Variants in AJAP1 observed in about 807,000 individuals in gnomAD.
AJAP1 encodes the protein adherens junction-associated protein 1.
Under a neutral mutation model 35.0 loss-of-function variants are expected in AJAP1, and 5 were observed. The observed-to-expected ratio is 0.14, with a 90% CI of 0.07 to 0.30. The LOEUF (loss-of-function observed/expected upper bound fraction) is 0.30. Ranked by LOEUF, AJAP1 falls within the 10% of genes least tolerant of loss-of-function variation. The pLI is 1.00. For synonymous variants in AJAP1, 284 were observed against 249.3 expected (o/e 1.14, Z -1.31); for missense variants, 586 against 571.0 (o/e 1.03, Z -0.27).
rs376142033 is a variant in AJAP1, at chr1:4,669,721, C to T, written c.29+14267C>T. On this transcript the variant is annotated intron_variant, in intron 1 of 5. Transcript: ENST00000378191. ...ACTTAGCATAATGTTTTTTAGTTCA[C>T]CCACATTGTAGCGTGCATCAGTACT... is the stretch of plus-strand genomic sequence containing the variant. 3.6e-4 allele frequency among the ~76,000 whole-genome samples: 55 copies of T among 152,240 alleles called. 1 individual carries two copies. The highest frequency in any genetic ancestry group is 3.1e-3 in the East Asian group (16 of 5,174).
intron 1 of AJAP1, among the ~76,000 whole-genome samples, chr1:4,707,932 GCTCT>G (rs1338114818): frequency 4.7e-5 from 7 of 149,210 alleles, no homozygotes; most frequent in Middle Eastern, 3.6e-3. Context: ...TCTGCTTGTA[GCTCT>G]CTCTGTGGGT....
At chr1:4,737,885 G>A (rs1640965638) in intron 2 of AJAP1, among the ~76,000 whole-genome samples, 1 of 152,184 alleles carries the variant, frequency 6.6e-6, no homozygotes, top group East Asian at 1.9e-4. Flanking sequence ...CTGGGCGACA[G>A]AGCGAGACCC....
chr1:4,725,570 G>A (rs1229225138), intron 2 of AJAP1, among the ~76,000 whole-genome samples: 1 of 152,174 alleles, frequency 6.6e-6, no homozygotes, highest in Non-Finnish European at 1.5e-5. Context: ...TCACCCTAGA[G>A]GTCACCAGCT....
At chr1:4,704,750 T>C (rs1445049054) in intron 1 of AJAP1, among the ~76,000 whole-genome samples, 3 of 152,242 alleles carry the variant, frequency 2.0e-5, no homozygotes, top group Non-Finnish European at 4.4e-5. Context: ...CCACGATGGT[T>C]AAACTAGTTT....
intron 2 of AJAP1, among the ~76,000 whole-genome samples, chr1:4,768,328 G>T (rs1641739889): frequency 7.4e-6 from 1 of 134,956 alleles, no homozygotes. Context: ...TTTGCCGGAT[G>T]CTGTTATTCT....
intron 5 of AJAP1, among the ~76,000 whole-genome samples, chr1:4,780,164 T>C (rs1388043067): frequency 1.4e-5 from 2 of 147,554 alleles, no homozygotes; most frequent in South Asian, 2.2e-4. Context: ...AAAATTACCA[T>C]GTAACCATTT....
At chr1:4,756,800 A>G (rs1641442005) in intron 2 of AJAP1, among the ~76,000 whole-genome samples, 1 of 152,182 alleles carries the variant, frequency 6.6e-6, no homozygotes, top group Non-Finnish European at 1.5e-5. Flanking sequence ...TAAGCTTCCT[A>G]CAAAGAATTC....
chr1:4,777,578 T>C (rs925565377), intron 5 of AJAP1: 3 of 152,234 alleles, frequency 2.0e-5, no homozygotes, highest in Middle Eastern at 3.2e-3. Flanking sequence ...CAGGCCTGCA[T>C]TGGCTCTCGG....
intron 1 of AJAP1, among the ~76,000 whole-genome samples, chr1:4,672,658 C>T (rs1244766765): frequency 6.6e-6 from 1 of 152,178 alleles, no homozygotes; most frequent in Non-Finnish European, 1.5e-5. Flanking sequence ...CTCCACCGCC[C>T]TCCCAGTGTG....
At chr1:4,774,227 G>A (rs986839919) in intron 4 of AJAP1, among the ~76,000 whole-genome samples, 200 bp from the exon 5 acceptor site, 1 of 152,184 alleles carries the variant, frequency 6.6e-6, no homozygotes, top group African/African-American at 2.4e-5. Flanking sequence ...AGCCTCCCAG[G>A]GTAGAAAGCA....
In AJAP1 at chr1:4,723,038, A is replaced by G. The variant is rs1640558928; in HGVS notation, c.829+10339A>G. Among the ~76,000 whole-genome samples, 4 of 152,180 alleles carry G rather than the reference A, an allele frequency of 2.6e-5. No individual in the cohort carries two copies. In the South Asian group the frequency reaches 8.3e-4, roughly 32 times the overall value. ...GAGGGCATTCTAGGGGGAAGACAGGAGGCAATGATACCAGATGGGACGTGA... is the reference window on the plus strand; with the variant it reads ...GAGGGCATTCTAGGGGGAAGACAGGGGGCAATGATACCAGATGGGACGTGA... On this transcript the variant is annotated intron_variant, in intron 2 of 5. Transcript: ENST00000378191. This position sits in a 1 kb window ranked among gnomAD's most constrained non-coding sequence, Gnocchi z 4.3.
chr1:4,772,169 T>C, intron 3 of AJAP1, 111 bp from the exon 4 acceptor site: 5 of 1,363,744 alleles, frequency 3.7e-6, no homozygotes, highest in Non-Finnish European at 5.1e-6. Flanking sequence ...TAATATGAAA[T>C]GATGCGTAGC....
chr1:4,705,898 A>C (rs1018559931), intron 1 of AJAP1, among the ~76,000 whole-genome samples: 1 of 152,138 alleles, frequency 6.6e-6, no homozygotes, highest in Non-Finnish European at 1.5e-5. Context: ...GGAGAAGTCC[A>C]AGCCACGTGT....
At chr1:4,712,757 C>G (rs1640294036) in intron 2 of AJAP1, 58 bp downstream of exon 2, 1 of 1,463,644 alleles carries the variant, frequency 6.8e-7, no homozygotes, top group African/African-American at 1.4e-5. Flanking sequence ...GGGAGCGTGA[C>G]TCGGGAGAGA....
chr1:4,763,882 C>G (rs1472066467), intron 2 of AJAP1, among the ~76,000 whole-genome samples: 28 of 148,704 alleles, frequency 1.9e-4, no homozygotes, highest in Non-Finnish European at 1.5e-5. Flanking sequence ...TCTTTCTCCC[C>G]CACTTTCTCC....
chr1:4,717,456 G>GT (rs1640419769), intron 2 of AJAP1, among the ~76,000 whole-genome samples: 1 of 152,154 alleles, frequency 6.6e-6, no homozygotes, highest in Non-Finnish European at 1.5e-5. Flanking sequence ...ATCATTCAGG[G>GT]TTTACCTCTG....
intron 2 of AJAP1, among the ~76,000 whole-genome samples, chr1:4,722,918 G>A (rs1279765338): frequency 2.0e-5 from 3 of 152,152 alleles, no homozygotes; most frequent in South Asian, 4.1e-4. Context: ...CTTGGAGGCC[G>A]TCATGAGGAT....
At chr1:4,768,904 C>A (rs1267943175) in intron 2 of AJAP1, among the ~76,000 whole-genome samples, 1 of 152,216 alleles carries the variant, frequency 6.6e-6, no homozygotes, top group Non-Finnish European at 1.5e-5. Context: ...GAGGCAGGAG[C>A]TGTTGCAGGC....
chr1:4,689,920 C>A (rs565597278), intron 1 of AJAP1, among the ~76,000 whole-genome samples: 2 of 152,116 alleles, frequency 1.3e-5, no homozygotes, highest in East Asian at 3.9e-4. Context: ...TTCCTTCCAA[C>A]GAGAAAAGGG....
Sources: allele counts gnomAD v4.1 joint callset (sites outside exome capture counted in the v4.1 genomes callset), GRCh38; gene constraint gnomAD v4.1.1; non-coding constraint Gnocchi (gnomAD v3.1); transcripts MANE v1.5; gene names NCBI Gene and HGNC (gene_info 2026-07-23, HGNC 2026-07-21).